CAPN11: variants seen among roughly 807,000 people sequenced by gnomAD.
CAPN11 encodes calpain-11.
CAPN11 carries 108 observed loss-of-function variants against 105.3 expected under a neutral mutation model. That is an observed-to-expected ratio of 1.03 (90% CI 0.88 to 1.20). The LOEUF is 1.20. CAPN11 is among the 50% of genes most tolerant of loss of function. The pLI, the probability that CAPN11 is intolerant of heterozygous loss-of-function variation, is 0.00. For missense variants in CAPN11, 883 were observed against 924.8 expected (o/e 0.95, Z 0.59); for synonymous variants, 329 against 344.5 (o/e 0.96, Z 0.50).
intron 13 of CAPN11, 73 bp from the exon 14 acceptor site, chr6:44,179,879 C>G: frequency 1.6e-6 from 2 of 1,220,132 alleles, no homozygotes; most frequent in Non-Finnish European, 2.4e-6. Flanking sequence ...CCCGGCCAGG[C>G]TGTTCACCCT....
rs780146489 is a variant in CAPN11 at position 44,177,001 on chromosome 6, G to A, written c.1237+3G>A. The A allele has an allele frequency of 5.6e-6, 9 of 1,608,904 alleles. No individual in the cohort carries two copies. In the Admixed American group the frequency reaches 1.5e-4, roughly 27 times the overall value. On this transcript the variant is annotated splice_donor_region_variant and intron_variant, in intron 11 of 22. Coordinates refer to ENST00000398776, the MANE Select transcript of CAPN11 (RefSeq NM_007058.4). ...AGGGGGCTGCAGGAACCACCCTGGT[G>A]GGTGAGGGGTGAGAGGGGAGGGGGT...
chr6:44,179,792 G>A, intron 13 of CAPN11, 160 bp from the exon 14 acceptor site: 1 of 917,628 alleles, frequency 1.1e-6, no homozygotes, highest in Non-Finnish European at 1.8e-6. Context: ...GAAAGGAAGA[G>A]ACCCTGTTGG....
intron 19 of CAPN11, among the ~76,000 whole-genome samples, chr6:44,181,872 CAT>C (rs1297724553): frequency 2.9e-5 from 2 of 70,042 alleles, no homozygotes; most frequent in African/African-American, 5.8e-5. Context: ...CACACACACA[CAT>C]ACACACTCAC....
At chr6:44,172,460 G>T in intron 5 of CAPN11, 40 bp downstream of exon 5, 1 of 1,250,034 alleles carries the variant, frequency 8.0e-7, no homozygotes, top group Non-Finnish European at 1.1e-6. Flanking sequence ...TTTGTTGGGG[G>T]CGGGGGAAGA....
intron 19 of CAPN11, among the ~76,000 whole-genome samples, chr6:44,181,696 AC>A: frequency 3.3e-5 from 1 of 30,276 alleles, no homozygotes; most frequent in Non-Finnish European, 6.4e-5. Context: ...ACACAACCAC[AC>A]CACACTCACA....
intron 4 of CAPN11, 27 bp from the exon 5 acceptor site, chr6:44,172,275 G>A (rs1316173446): frequency 6.7e-7 from 1 of 1,493,760 alleles, no homozygotes; most frequent in Non-Finnish European, 9.1e-7. Context: ...TTGCTCAGGG[G>A]TGGCAAAGCC....
chr6:44,182,115 CCACA>C (rs761219122), intron 19 of CAPN11, among the ~76,000 whole-genome samples: 6 of 9,420 alleles, frequency 6.4e-4, no homozygotes, highest in East Asian at 1.9e-3. Flanking sequence ...CACAACCACA[CCACA>C]CACACACACA....
intron 1 of CAPN11, among the ~76,000 whole-genome samples, chr6:44,164,880 T>TTTTA (rs201502867): frequency 0.019 from 2,883 of 151,878 alleles, 101 homozygotes; most frequent in African/African-American, 0.065. Context: ...TTATGTTATG[T>TTTTA]TTTATTTATT....
intron 1 of CAPN11, among the ~76,000 whole-genome samples, chr6:44,165,577 G>A (rs561373402): frequency 2.0e-5 from 3 of 152,310 alleles, no homozygotes; most frequent in Admixed American, 1.3e-4. Context: ...GACAGGGTCT[G>A]GGAAGATCCC....
chr6:44,172,673 G>T (rs1328683249), intron 5 of CAPN11, among the ~76,000 whole-genome samples: 1 of 152,166 alleles, frequency 6.6e-6, no homozygotes, highest in Non-Finnish European at 1.5e-5. Context: ...GTGTGTGTGG[G>T]TGTGTGTGAC....
rs572714884 is a variant in CAPN11, at chr6:44,179,992, T to C, written c.1469T>C (p.Phe490Ser). 1.1e-5 allele frequency: 18 copies of C among 1,613,684 alleles called. No homozygotes were observed. In the East Asian group the frequency reaches 3.6e-4, roughly 32 times the overall value. ...IQDVHLKKEFFTKYQDHGFSE... is the reference protein window; with the variant it reads ...IQDVHLKKEFSTKYQDHGFSE... The stretch of plus-strand genomic sequence containing the variant: ...GATGTCCACTTGAAGAAGGAATTCT[T>C]CACGAAGTATCAGGACCACGGCTTC... The change falls in exon 14 of 23, where the codon TTC becomes TCC. Residue 490 changes from phenylalanine (F) to serine (S), a missense_variant. Physicochemically the swap from Phe to Ser is radical, Grantham distance 155 (BLOSUM62 -2). Coordinates refer to ENST00000398776, the MANE Select transcript of CAPN11 (RefSeq NM_007058.4).
At chr6:44,165,810 G>T (rs892829802) in intron 1 of CAPN11, among the ~76,000 whole-genome samples, 2 of 152,286 alleles carry the variant, frequency 1.3e-5, no homozygotes, top group African/African-American at 4.8e-5. Context: ...CTGGCAAAGC[G>T]ATGTCCTGAA....
intron 19 of CAPN11, 132 bp downstream of exon 19, chr6:44,181,452 C>CACACACACACACACTCACAT: frequency 2.6e-6 from 1 of 388,900 alleles, no homozygotes; most frequent in Non-Finnish European, 4.2e-6. Flanking sequence ...ACCACACTCA[C>CACACACACACACACTCACAT]ACACACACAC....
At position 44,180,097 on chromosome 6, in the gene CAPN11, C is replaced by T. The variant is rs1367821035; in HGVS notation, c.1574C>T (p.Thr525Ile). 2 of 1,613,530 alleles carry T rather than the reference C, an allele frequency of 1.2e-6. No homozygotes were observed. Among genetic ancestry groups the T allele is most frequent in the Non-Finnish European group, 1.7e-6 (2 of 1,179,720 alleles). Residue 525 changes from threonine (T) to isoleucine (I), a missense_variant, in exon 14 of 23, where the codon ACC (threonine) becomes ATC (isoleucine). Physicochemically the swap from Thr to Ile is moderately conservative, Grantham distance 89 (BLOSUM62 -1). Coordinates refer to ENST00000398776, the MANE Select transcript of CAPN11 (RefSeq NM_007058.4). Reference sequence around the variant, plus strand: ...GGGGAATATATCATTATTCCCTCCACCTTTGAGCCACACAGAGATGCTGAC... The same window carrying T: ...GGGGAATATATCATTATTCCCTCCATCTTTGAGCCACACAGAGATGCTGAC... The part of the protein sequence containing the change: ...PPGEYIIIPS[T>I]FEPHRDADFL...
intron 1 of CAPN11, among the ~76,000 whole-genome samples, chr6:44,159,671 A>G (rs1473805612): frequency 1.3e-5 from 2 of 152,182 alleles, no homozygotes; most frequent in African/African-American, 4.8e-5. Context: ...CCTGGTCAGC[A>G]TAGCAAGACC....
Position 44,176,071 on chromosome 6 carries a change from A to G in CAPN11, c.835A>G (p.Thr279Ala). The G allele has an allele frequency of 6.2e-7, 1 of 1,607,928 alleles. No homozygotes were observed. Among genetic ancestry groups the G allele is most frequent in the Non-Finnish European group, 8.5e-7 (1 of 1,175,972 alleles). Reference protein sequence around the residue: ...SSLMGCSIEVTSDSELESMTD... With the variant: ...SSLMGCSIEVASDSELESMTD... ...TCCCTCCCTCTCTGTTCTGTAGGTC[A>G]CCAGTGATAGTGAACTGGAATCCAT... Residue 279 changes from threonine (T) to alanine (A), a missense_variant, in exon 8 of 23, where the codon ACC becomes GCC. Coordinates refer to ENST00000398776, the MANE Select transcript of CAPN11 (RefSeq NM_007058.4).
intron 1 of CAPN11, among the ~76,000 whole-genome samples, chr6:44,162,524 G>A (rs1218747114): frequency 2.6e-5 from 4 of 152,102 alleles, no homozygotes; most frequent in Admixed American, 6.5e-5. Context: ...AGAAAAGAGC[G>A]AGGAGAACTC....
chr6:44,167,911 G>A (rs1463454196), intron 2 of CAPN11, among the ~76,000 whole-genome samples: 4 of 69,392 alleles, frequency 5.8e-5, no homozygotes, highest in Non-Finnish European at 1.1e-4. Context: ...GTGAGACTCT[G>A]TTTTGAAAAA....
chr6:44,166,938 T>TGG, intron 2 of CAPN11, 109 bp downstream of exon 2: 4 of 276,394 alleles, frequency 1.4e-5, no homozygotes, highest in Non-Finnish European at 2.2e-5. Flanking sequence ...TCATGTTGTG[T>TGG]GGGGAGGGCG....
Sources: gnomAD v4.1 joint callset for allele counts (sites outside exome capture counted in the v4.1 genomes callset) on GRCh38, gnomAD v4.1.1 for gene constraint, MANE v1.5 for transcripts, NCBI Gene and HGNC (gene_info 2026-07-23, HGNC 2026-07-21) for gene names.